The following RNGTT variants were observed in gnomAD, a reference collection of about 807,000 sequenced individuals.
The protein encoded by RNGTT is RNA guanylyltransferase and 5'-phosphatase.
A neutral mutation model predicts 79.3 loss-of-function variants in RNGTT; 33 were observed. The observed-to-expected ratio is 0.42, with a 90% confidence interval of 0.32 to 0.56. The LOEUF is 0.56. RNGTT is among the 20% of genes least tolerant of loss of function. RNGTT has a pLI of 0.17. For synonymous variants in RNGTT, 222 were observed against 235.9 expected (o/e 0.94, Z 0.54); for missense variants, 497 against 739.1 (o/e 0.67, Z 3.80).
chr6:88,899,777 A>G (rs1298211691), intron 6 of RNGTT, among the ~76,000 whole-genome samples: 1 of 152,202 alleles, frequency 6.6e-6, no homozygotes, highest in Non-Finnish European at 1.5e-5. Flanking sequence ...TGTTTCAAAA[A>G]TGGTAGCTAA....
chr6:88,917,033 A>G (rs1562023333), intron 4 of RNGTT, among the ~76,000 whole-genome samples: 1 of 152,196 alleles, frequency 6.6e-6, no homozygotes, highest in Non-Finnish European at 1.5e-5. Context: ...GGGATCCACC[A>G]TCTTATCTCA....
intron 5 of RNGTT, among the ~76,000 whole-genome samples, chr6:88,905,885 C>T (rs1783637344): frequency 6.6e-6 from 1 of 152,186 alleles, no homozygotes; most frequent in South Asian, 2.1e-4. Flanking sequence ...TGGCTCATGC[C>T]TGTAATCCCA....
At chr6:88,741,025 G>A (rs1434825224) in intron 13 of RNGTT, among the ~76,000 whole-genome samples, 1 of 152,164 alleles carries the variant, frequency 6.6e-6, no homozygotes, top group Non-Finnish European at 1.5e-5. Flanking sequence ...GACCATCATG[G>A]AAAATAGTTT....
At chr6:88,939,769 CT>C (rs59080248) in intron 2 of RNGTT, among the ~76,000 whole-genome samples, 7,723 of 149,550 alleles carry the variant, frequency 0.052, 304 homozygotes, top group African/African-American at 0.1. Context: ...CTCACTTCTC[CT>C]TTTTTTTTGA....
chr6:88,910,353 T>C (rs765159938), intron 4 of RNGTT, among the ~76,000 whole-genome samples: 1 of 152,120 alleles, frequency 6.6e-6, no homozygotes, highest in African/African-American at 2.4e-5. Context: ...ACCGGCCTTA[T>C]AAGAGATGCT....
chr6:88,775,589 T>C (rs541701488), intron 12 of RNGTT, among the ~76,000 whole-genome samples: 2 of 152,342 alleles, frequency 1.3e-5, no homozygotes, highest in Non-Finnish European at 2.9e-5. Flanking sequence ...GAGTAATTTA[T>C]ATCTGTTTCA....
At chr6:88,791,740 C>T (rs1186800492) in intron 12 of RNGTT, among the ~76,000 whole-genome samples, 3 of 151,954 alleles carry the variant, frequency 2.0e-5, no homozygotes, top group Admixed American at 6.5e-5. Context: ...AGGGTTTCAC[C>T]ACGTTAGCCA....
chr6:88,650,485 C>T (rs1048589884), intron 14 of RNGTT, among the ~76,000 whole-genome samples: 1 of 152,086 alleles, frequency 6.6e-6, no homozygotes, highest in African/African-American at 2.4e-5. Flanking sequence ...AAAGACTGAT[C>T]TTGAAAAACA....
Position 88,703,525 on chromosome 6 carries a change from G to A in RNGTT, c.1440-25106C>T, listed in dbSNP as rs540376987. On this transcript the variant is annotated intron_variant, in intron 13 of 15. Transcript: ENST00000369485. ...CATAAAGATGGCAACAACAGACAAC[G>A]GGGACTACTAAAGGAAGGAGGAAGG... Among the ~76,000 whole-genome samples the A allele has an allele frequency of 3.3e-5, 5 of 152,174 alleles. No homozygotes were observed. The East Asian group carries it at 7.7e-4, about 24-fold the overall frequency.
At chr6:88,659,061 T>G (rs1056877512) in intron 14 of RNGTT, among the ~76,000 whole-genome samples, 5 of 152,208 alleles carry the variant, frequency 3.3e-5, no homozygotes, top group African/African-American at 1.2e-4. Context: ...ATCTATCCTA[T>G]GAGTTCTGTC....
At chr6:88,626,829 T>A (rs1772652229) in intron 14 of RNGTT, among the ~76,000 whole-genome samples, 1 of 151,992 alleles carries the variant, frequency 6.6e-6, no homozygotes, top group Non-Finnish European at 1.5e-5. Context: ...AAATAAGAAG[T>A]CACATGGACA....
intron 10 of RNGTT, among the ~76,000 whole-genome samples, chr6:88,847,498 T>C (rs1053951053): frequency 6.6e-6 from 1 of 152,148 alleles, no homozygotes; most frequent in Non-Finnish European, 1.5e-5. Flanking sequence ...ATAATATTGT[T>C]AATCATCCAT....
chr6:88,678,042 G>A (rs1774944952), intron 14 of RNGTT: 1 of 155,892 alleles, frequency 6.4e-6, no homozygotes, highest in South Asian at 2.1e-4. Flanking sequence ...CTGGAGTACA[G>A]TGGTGTGATC....
chr6:88,670,083 A>G (rs1026271235), intron 14 of RNGTT, among the ~76,000 whole-genome samples: 2 of 152,220 alleles, frequency 1.3e-5, no homozygotes, highest in Non-Finnish European at 2.9e-5. Flanking sequence ...ACTACTTGCT[A>G]GCAGTGGAAA....
chr6:88,855,341 T>C (rs369783265), intron 8 of RNGTT, among the ~76,000 whole-genome samples: 5 of 152,062 alleles, frequency 3.3e-5, no homozygotes, highest in Middle Eastern at 3.4e-3. Flanking sequence ...AAAGTACACA[T>C]GTTTAGGATA....
At chr6:88,816,482 A>T (rs1780318585) in intron 11 of RNGTT, among the ~76,000 whole-genome samples, 1 of 152,202 alleles carries the variant, frequency 6.6e-6, no homozygotes, top group Non-Finnish European at 1.5e-5. Context: ...AACTTCTTTA[A>T]TGAGAAAAAA....
intron 13 of RNGTT, among the ~76,000 whole-genome samples, chr6:88,709,763 A>T (rs1776259141): frequency 6.6e-6 from 1 of 152,202 alleles, no homozygotes; most frequent in Non-Finnish European, 1.5e-5. Flanking sequence ...GTCACATTTC[A>T]AGTGCTCAAC....
At chr6:88,678,648 G>T (rs1156745189) in intron 13 of RNGTT, among the ~76,000 whole-genome samples, 1 of 152,060 alleles carries the variant, frequency 6.6e-6, no homozygotes, top group Non-Finnish European at 1.5e-5. Flanking sequence ...GCCAAGTGTG[G>T]TTGTGTGTGC....
At chr6:88,796,320 C>A (rs1347761392) in intron 12 of RNGTT, among the ~76,000 whole-genome samples, 1 of 152,040 alleles carries the variant, frequency 6.6e-6, no homozygotes, top group Non-Finnish European at 1.5e-5. Context: ...TGGTCTCCCC[C>A]ATATAAGGGT....
Sources: allele counts gnomAD v4.1 joint callset (sites outside exome capture counted in the v4.1 genomes callset), GRCh38; gene constraint gnomAD v4.1.1; transcripts MANE v1.5; gene names NCBI Gene and HGNC (gene_info 2026-07-23, HGNC 2026-07-21).